MUC17: variants seen among roughly 807,000 people sequenced by gnomAD.
MUC17 encodes mucin-17.
In MUC17, 190 loss-of-function variants were observed where a neutral mutation model predicts 170.3. The ratio of observed to expected loss-of-function variants is 1.12; its 90% CI spans 0.99 to 1.26. MUC17 has a LOEUF of 1.26. Ranked by LOEUF, MUC17 falls within the 50% of genes most tolerant of loss-of-function variation. The probability of loss-of-function intolerance (pLI) is 0.00; values close to 1 mark genes in which losing one functional copy is unlikely to be tolerated. For missense variants in MUC17, 6,415 were observed against 5,530.0 expected (o/e 1.16, Z -5.08); for synonymous variants, 2,325 against 2,002.5 (o/e 1.16, Z -4.30).
At position 101,056,063 on chromosome 7, in the gene MUC17, T is replaced by C. The variant is rs1383035412; in HGVS notation, c.13364-131T>C. ...AGGTAATGTTGACAGTTTGTCACATTTTCAAGGGTTTGCAGTTTCCTAGGG... is the reference window on the plus strand; with the variant it reads ...AGGTAATGTTGACAGTTTGTCACATCTTCAAGGGTTTGCAGTTTCCTAGGG... On this transcript the variant is annotated intron_variant, in intron 11 of 12. Coordinates refer to ENST00000306151, the MANE Select transcript of MUC17 (RefSeq NM_001040105.2). 8 of 1,298,028 alleles carry C rather than the reference T, an allele frequency of 6.2e-6. No individual in the cohort carries two copies. The Admixed American group carries it at 1.8e-4, about 30-fold the overall frequency. The allele number at this position is 1,298,028 out of a possible 1,614,324, so 80.4% of individuals were successfully genotyped here.
intron 1 of MUC17, 33 bp downstream of exon 1, chr7:101,020,250 G>GC (rs777383326): frequency 7.0e-6 from 11 of 1,572,850 alleles, no homozygotes; most frequent in Non-Finnish European, 9.5e-6. Context: ...TGCCCAAGAG[G>GC]CCCCCATCCC....
At chr7:101,051,364 C>CAAAAA (rs398005597) in intron 7 of MUC17, among the ~76,000 whole-genome samples, 11 of 52,116 alleles carry the variant, frequency 2.1e-4, no homozygotes, top group South Asian at 1.1e-3. Context: ...TACTCCATCT[C>CAAAAA]AAAAAAAAAA....
At position 101,032,999 on chromosome 7, in the gene MUC17, C is replaced by A. The variant is rs1385000103; in HGVS notation, c.1583C>A (p.Ala528Asp). ...VSTMPVASSE[A>D]STLSTTPVDT... is the part of the protein sequence containing the mutation. ...ACCATGCCGGTGGCCAGTTCTGAGG[C>A]TAGCACCCTTTCAACAACTCCTGTT... Residue 528 changes from alanine (A) to aspartate (D), a missense_variant, in exon 3 of 13, where the codon GCT becomes GAT. Ala to Asp is a moderately radical substitution (Grantham distance 126). Coordinates refer to ENST00000306151, the MANE Select transcript of MUC17 (RefSeq NM_001040105.2). 1.2e-6 allele frequency: 2 copies of A among 1,613,988 alleles called. No homozygotes were observed. Among genetic ancestry groups the A allele is most frequent in the East Asian group, 4.5e-5 (2 of 44,840 alleles).
At position 101,040,692 on chromosome 7, in the gene MUC17, T is replaced by C; in HGVS notation, c.9276T>C (p.Gly3092=). The C allele has an allele frequency of 6.2e-7, 1 of 1,613,322 alleles. No homozygotes were observed. The highest frequency in any genetic ancestry group is 1.3e-5 in the African/African-American group (1 of 74,866). ...GTTCATCTCCTACACCTGCTGAAGG[T>C]ACCAGCATGCCAATCTCAACTTATA... ...EVSSSPTPAE[G]TSMPISTYSE... Residue 3092 remains glycine (G), a synonymous_variant, in exon 3 of 13, where the codon GGT becomes GGC. Coordinates refer to ENST00000306151, the MANE Select transcript of MUC17 (RefSeq NM_001040105.2).
intron 5 of MUC17, 105 bp from the exon 6 acceptor site, chr7:101,049,219 T>C: frequency 2.0e-6 from 3 of 1,529,636 alleles, no homozygotes; most frequent in Non-Finnish European, 2.7e-6. Flanking sequence ...GAGTGTGCTA[T>C]GATGCTGCGG....
rs1794608695 is a variant in MUC17, at chr7:101,039,364, G to A, written c.7948G>A (p.Ala2650Thr). The A allele has an allele frequency of 1.9e-6, 3 of 1,612,484 alleles. No homozygotes were observed. Among genetic ancestry groups the A allele is most frequent in the Admixed American group, 1.7e-5 (1 of 59,698 alleles). ...VSTMPVASSE[A>T]STLSTTPVDT... ...CACCATGCCAGTGGCCAGTTCTGAG[G>A]CTAGCACCCTTTCAACAACTCCTGT... The change falls in exon 3 of 13, where the codon GCT becomes ACT. Residue 2650 changes from alanine (A) to threonine (T), a missense_variant. Physicochemically the swap from Ala to Thr is moderately conservative, Grantham distance 58. Coordinates refer to ENST00000306151, the MANE Select transcript of MUC17 (RefSeq NM_001040105.2).
At position 101,048,008 on chromosome 7, in the gene MUC17, C is replaced by T. The variant is rs375341069; in HGVS notation, c.12428C>T (p.Thr4143Met). Reference sequence around the variant, plus strand: ...GGCTTTGGAGATGGGTGCCAGAATACGGCCTCTCGCTGCAAGAATGGAGGC... The same window carrying T: ...GGCTTTGGAGATGGGTGCCAGAATATGGCCTCTCGCTGCAAGAATGGAGGC... ...TTCFGDGCQN[T>M]ASRCKNGGTW... The change falls in exon 4 of 13, where the codon ACG (threonine) becomes ATG (methionine). Residue 4143 changes from threonine (T) to methionine (M), a missense_variant. Coordinates refer to ENST00000306151, the MANE Select transcript of MUC17 (RefSeq NM_001040105.2). The T allele has an allele frequency of 4.5e-5, 72 of 1,601,468 alleles. No homozygotes were observed. The highest frequency in any genetic ancestry group is 6.7e-5 in the South Asian group (6 of 89,030).
chr7:101,052,848 C>T (rs759911823), intron 9 of MUC17, 138 bp from the exon 10 acceptor site: 4 of 940,468 alleles, frequency 4.3e-6, no homozygotes, highest in Non-Finnish European at 4.7e-6. Flanking sequence ...TTCATCCCCT[C>T]GGGGTGCCTT....
At position 101,040,930 on chromosome 7, in the gene MUC17, A is replaced by G; in HGVS notation, c.9514A>G (p.Ser3172Gly). 2.5e-6 allele frequency: 4 copies of G among 1,613,900 alleles called. No individual in the cohort carries two copies. The highest frequency in any genetic ancestry group is 2.5e-6 in the Non-Finnish European group (3 of 1,179,964). ...TACTCCATTAACATATATGCCTGTC[A>G]GCACCATGCTGGTAGTCAGTTCTGA... is the stretch of plus-strand genomic sequence containing the variant. ...GSTPLTYMPV[S>G]TMLVVSSEDS... Residue 3172 changes from serine (S) to glycine (G), a missense_variant, in exon 3 of 13, where the codon AGC becomes GGC. By Grantham distance (56) the Ser-to-Gly change is moderately conservative (BLOSUM62 0). Coordinates refer to ENST00000306151, the MANE Select transcript of MUC17 (RefSeq NM_001040105.2).
chr7:101,053,643 T>A, intron 11 of MUC17: 1 of 454,040 alleles, frequency 2.2e-6, no homozygotes, highest in Non-Finnish European at 3.9e-6. Flanking sequence ...AAAGGGAGGC[T>A]GAGGCAGGTG....
At position 101,037,068 on chromosome 7, in the gene MUC17, C is replaced by T. The variant is rs546172070; in HGVS notation, c.5652C>T (p.Thr1884=). The T allele has an allele frequency of 3.8e-5, 60 of 1,581,098 alleles. 2 individuals carry two copies. In the African/African-American group the frequency reaches 6.8e-4, roughly 18 times the overall value. Residue 1884 remains threonine (T), a synonymous_variant, in exon 3 of 13, where the codon ACC becomes ACT. Coordinates refer to ENST00000306151, the MANE Select transcript of MUC17 (RefSeq NM_001040105.2). ...CCACAACAGTGGCCAGTTCTGAAAC[C>T]AACACCCTTTCAACAACTCCCGCTG... ...VSTTTVASSE[T]NTLSTTPAVT... is the part of the protein sequence containing the mutation.
chr7:101,038,418 T>G lies in MUC17; in HGVS notation c.7002T>G (p.Ser2334Arg). The change falls in exon 3 of 13, where the codon AGT becomes AGG. Residue 2334 changes from serine (S) to arginine (R), a missense_variant. Coordinates refer to ENST00000306151, the MANE Select transcript of MUC17 (RefSeq NM_001040105.2). ...CCAGCATGCCAACCTCAACTTCTAG[T>G]GAAGGAAACACTCCATTAACACGTA... ...EGTSMPTSTS[S>R]EGNTPLTRMP... 3 of 1,613,978 alleles carry G rather than the reference T, an allele frequency of 1.9e-6. No homozygotes were observed. Among genetic ancestry groups the G allele is most frequent in the Non-Finnish European group, 2.5e-6 (3 of 1,179,994 alleles).
intron 11 of MUC17, among the ~76,000 whole-genome samples, chr7:101,055,059 A>T (rs1795022556): frequency 6.6e-6 from 1 of 150,978 alleles, no homozygotes; most frequent in Non-Finnish European, 1.5e-5. Context: ...AGTGAGCTGA[A>T]ATCGCACCAC....
chr7:101,022,634 G>T (rs1794112369), intron 1 of MUC17, among the ~76,000 whole-genome samples: 1 of 152,128 alleles, frequency 6.6e-6, no homozygotes, highest in Non-Finnish European at 1.5e-5. Flanking sequence ...AGACCATCCT[G>T]GGCAACATAG....
At position 101,036,308 on chromosome 7, in the gene MUC17, C is replaced by T. The variant is rs113443006; in HGVS notation, c.4892C>T (p.Pro1631Leu). 7.1e-4 allele frequency: 1,150 copies of T among 1,613,910 alleles called. 10 individuals carry two copies. The African/African-American group carries it at 0.014, about 19-fold the overall frequency. Reference protein sequence around the residue: ...MTISTPSEGSPLLTSIPVSTT... With the variant: ...MTISTPSEGSLLLTSIPVSTT... ...ATCTCAACTCCTAGTGAAGGAAGTC[C>T]TCTATTAACAAGTATACCTGTCAGC... Residue 1631 changes from proline (P) to leucine (L), a missense_variant, in exon 3 of 13, where the codon CCT (proline) becomes CTT (leucine). Transcript: ENST00000306151.
At position 101,038,873 on chromosome 7, in the gene MUC17, C is replaced by G; in HGVS notation, c.7457C>G (p.Pro2486Arg). The part of the protein sequence containing the change: ...LSTTPVDTST[P>R]MTTSTEASSS... The stretch of plus-strand genomic sequence containing the variant: ...ACAACTCCTGTTGACACCAGCACAC[C>G]TATGACCACTTCTACTGAAGCCAGT... The change falls in exon 3 of 13, where the codon CCT becomes CGT. Residue 2486 changes from proline to arginine, a missense_variant. Coordinates refer to ENST00000306151, the MANE Select transcript of MUC17 (RefSeq NM_001040105.2). 1.9e-6 allele frequency: 3 copies of G among 1,612,672 alleles called. No individual in the cohort carries two copies. Among genetic ancestry groups the G allele is most frequent in the Non-Finnish European group, 2.5e-6 (3 of 1,179,482 alleles).
chr7:101,020,343 C>T (rs1794049938), intron 1 of MUC17, 126 bp downstream of exon 1: 2 of 683,246 alleles, frequency 2.9e-6, no homozygotes, highest in Admixed American at 7.0e-5. Flanking sequence ...CTGCCTGGAG[C>T]TCAGCCCTGT....
At chr7:101,049,187 G>A in intron 5 of MUC17, 137 bp from the exon 6 acceptor site, 1 of 1,445,610 alleles carries the variant, frequency 6.9e-7, no homozygotes, top group Admixed American at 1.7e-5. Context: ...CAGGTCTCTG[G>A]AAAGAAACCA....
chr7:101,042,259 T>A lies in MUC17; in HGVS notation c.10843T>A (p.Ser3615Thr). The A allele has an allele frequency of 1.2e-6, 2 of 1,613,890 alleles. No homozygotes were observed. The highest frequency in any genetic ancestry group is 1.7e-6 in the Non-Finnish European group (2 of 1,179,980). The part of the protein sequence containing the change: ...TPVTTSTQSN[S>T]TPTPPEVITL... ...TGTGACCACTTCTACTCAGAGCAAT[T>A]CTACTCCTACACCTCCTGAAGTTAT... Residue 3615 changes from serine (S) to threonine (T), a missense_variant, in exon 3 of 13, where the codon TCT becomes ACT. Physicochemically the swap from Ser to Thr is moderately conservative, Grantham distance 58 (BLOSUM62 1). Transcript: ENST00000306151.
Sources: gnomAD v4.1 joint callset for allele counts (sites outside exome capture counted in the v4.1 genomes callset) on GRCh38, gnomAD v4.1.1 for gene constraint, MANE v1.5 for transcripts, NCBI Gene and HGNC (gene_info 2026-07-23, HGNC 2026-07-21) for gene names.